Variants in NCR3 observed in about 807,000 individuals in gnomAD.
NCR3 encodes the protein natural cytotoxicity triggering receptor 3, also known as NK-p30.
Under a neutral mutation model 16.1 loss-of-function variants are expected in NCR3, and 13 were observed. The ratio of observed to expected loss-of-function variants is 0.81; its 90% CI spans 0.53 to 1.28. NCR3 has a LOEUF of 1.28. Among genes scored for constraint, NCR3 ranks in the 50% most tolerant of loss-of-function variants. The pLI, the probability that NCR3 is intolerant of heterozygous loss-of-function variation, is 0.00. For synonymous variants in NCR3, 98 were observed against 106.6 expected, an observed-to-expected ratio of 0.92 and a Z score of 0.50; for missense variants, 202 against 256.8, an observed-to-expected ratio of 0.79 and a Z score of 1.46.
intron 1 of NCR3, among the ~76,000 whole-genome samples, chr6:31,592,095 C>T (rs140279115): frequency 0.077 from 11,686 of 152,098 alleles, 606 homozygotes; most frequent in Middle Eastern, 0.12. Flanking sequence ...ACTAAAAATA[C>T]AAAAATTAGT....
intron 1 of NCR3, among the ~76,000 whole-genome samples, chr6:31,590,338 A>T (rs1335156344): frequency 6.6e-6 from 1 of 152,136 alleles, no homozygotes; most frequent in Non-Finnish European, 1.5e-5. Flanking sequence ...GCAGTGGCTC[A>T]CGCCTGTAAT....
Position 31,589,966 on chromosome 6 carries a change from A to C in NCR3, c.204T>G (p.Asn68Lys). Residue 68 changes from asparagine (N) to lysine (K), a missense_variant, in exon 2 of 4, where the codon AAT becomes AAG. Coordinates refer to ENST00000340027, the MANE Select transcript of NCR3 (RefSeq NM_147130.3). This position sits in a 1 kb window ranked among gnomAD's most constrained non-coding sequence, Gnocchi z 4.8. ...GGCGGCCCCTGAACTCTGGGGTTCC[A>C]TTCCTCACCTCCTTCCCTGGAACCA... is the stretch of plus-strand genomic sequence containing the variant. ...DEVVPGKEVR[N>K]GTPEFRGRLA... The C allele has an allele frequency of 6.2e-7, 1 of 1,613,062 alleles. No homozygotes were observed. Among genetic ancestry groups the C allele is most frequent in the South Asian group, 1.1e-5 (1 of 91,082 alleles).
At chr6:31,590,277 T>A in intron 1 of NCR3, 151 bp from the exon 2 acceptor site, 1 of 662,906 alleles carries the variant, frequency 1.5e-6, no homozygotes. Context: ...CCTTCCCTCT[T>A]AACCAATCTG....
At chr6:31,590,487 A>G (rs28732145) in intron 1 of NCR3, among the ~76,000 whole-genome samples, 3,701 of 152,244 alleles carry the variant, frequency 0.024, 58 homozygotes, top group South Asian at 0.051. Flanking sequence ...CTGTAATCCC[A>G]GCTACTCGGG....
Position 31,589,688 on chromosome 6 carries a change from A to AG in NCR3, c.389-56dup. ...GGAAGAAGTGCACACAGGCTCAGGGAGGGAAGGGGCCTCAGAGGAGCATCC... is the reference window on the plus strand; with the variant it reads ...GGAAGAAGTGCACACAGGCTCAGGGAGGGGAAGGGGCCTCAGAGGAGCATCC... On this transcript the variant is annotated intron_variant, in intron 2 of 3. Transcript: ENST00000340027. The surrounding 1 kb of genome is among the most constrained non-coding windows in gnomAD (Gnocchi z 4.8). 2 of 1,609,420 alleles carry AG rather than the reference A, an allele frequency of 1.2e-6. No individual in the cohort carries two copies. The highest frequency in any genetic ancestry group is 1.7e-6 in the Non-Finnish European group (2 of 1,177,238).
chr6:31,592,833 C>G lies in NCR3; in HGVS notation c.-112G>C. 1 of 1,102,890 alleles carries G rather than the reference C, an allele frequency of 9.1e-7. No homozygotes were observed. Among genetic ancestry groups the G allele is most frequent in the Non-Finnish European group, 1.4e-6 (1 of 732,366 alleles). 68.3% of individuals were successfully genotyped at this position (1,102,890 alleles called of 1,614,324 possible). On this transcript the variant is annotated 5_prime_UTR_variant, in exon 1 of 4. Transcript: ENST00000340027. ...TTGGTCACCAGATGGGGATGGGGAGCTTCCTATGACACACGGGACTCACAC... is the reference window on the plus strand; with the variant it reads ...TTGGTCACCAGATGGGGATGGGGAGGTTCCTATGACACACGGGACTCACAC...
At position 31,589,925 on chromosome 6, in the gene NCR3, G is replaced by C. The variant is rs1772476663; in HGVS notation, c.245C>G (p.Ser82Cys). Residue 82 changes from serine (S) to cysteine (C), a missense_variant, in exon 2 of 4, where the codon TCT becomes TGT. Coordinates refer to ENST00000340027, the MANE Select transcript of NCR3 (RefSeq NM_147130.3). The surrounding 1 kb of genome is among the most constrained non-coding windows in gnomAD (Gnocchi z 4.8). ...CTGGTGGTCATGGAGGAAACGGGAA[G>C]AAGCAAGTGGGGCCAGGCGGCCCCT... is the stretch of plus-strand genomic sequence containing the variant. ...EFRGRLAPLA[S>C]SRFLHDHQAE... 2 of 1,613,156 alleles carry C rather than the reference G, an allele frequency of 1.2e-6. No homozygotes were observed. Among genetic ancestry groups the C allele is most frequent in the East Asian group, 4.5e-5 (2 of 44,890 alleles).
Position 31,589,734 on chromosome 6 carries a change from C to G in NCR3, c.388+48G>C, listed in dbSNP as rs757921881. The G allele has an allele frequency of 6.2e-7, 1 of 1,601,458 alleles. No homozygotes were observed. Among genetic ancestry groups the G allele is most frequent in the South Asian group, 1.1e-5 (1 of 90,182 alleles). ...CATCCCTGCCTCCCAAGGACATTGCCTCTTGGGGCCTCCAGCCAGGAGGAG... is the reference window on the plus strand; with the variant it reads ...CATCCCTGCCTCCCAAGGACATTGCGTCTTGGGGCCTCCAGCCAGGAGGAG... On this transcript the variant is annotated intron_variant, in intron 2 of 3. Coordinates refer to ENST00000340027, the MANE Select transcript of NCR3 (RefSeq NM_147130.3). This position sits in a 1 kb window ranked among gnomAD's most constrained non-coding sequence, Gnocchi z 4.8.
At position 31,589,858 on chromosome 6, in the gene NCR3, G is replaced by T; in HGVS notation, c.312C>A (p.Ser104Arg). 6.2e-7 allele frequency: 1 copy of T among 1,613,248 alleles called. No homozygotes were observed. Among genetic ancestry groups the T allele is most frequent in the Non-Finnish European group, 8.5e-7 (1 of 1,180,050 alleles). Residue 104 changes from serine (S) to arginine (R), a missense_variant, in exon 2 of 4, where the codon AGC (serine) becomes AGA (arginine). Coordinates refer to ENST00000340027, the MANE Select transcript of NCR3 (RefSeq NM_147130.3). The surrounding 1 kb of genome is among the most constrained non-coding windows in gnomAD (Gnocchi z 4.8). ...HIRDVRGHDA[S>R]IYVCRVEVLG... Reference sequence around the variant, plus strand: ...GCACCTCCACTCTGCACACGTAGATGCTGGCGTCATGGCCTCGCACGTCCC... The same window carrying T: ...GCACCTCCACTCTGCACACGTAGATTCTGGCGTCATGGCCTCGCACGTCCC...
rs766743841 is a variant in NCR3 at position 31,589,170 on chromosome 6, G to T, written c.503C>A (p.Thr168Asn). The stretch of plus-strand genomic sequence containing the variant: ...CAGCTGCCTTCTTGGACCTTTCCAG[G>T]TCAGACCTGGTGGAAGGGAAAGTTC... ...STVYYQGKCL[T>N]WKGPRRQLPA... Residue 168 changes from threonine to asparagine, a missense_variant, in exon 4 of 4, where the codon ACC becomes AAC. Transcript: ENST00000340027. This position sits in a 1 kb window ranked among gnomAD's most constrained non-coding sequence, Gnocchi z 4.8. The T allele has an allele frequency of 1.2e-6, 2 of 1,613,784 alleles. No homozygotes were observed. Among genetic ancestry groups the T allele is most frequent in the African/African-American group, 2.7e-5 (2 of 74,940 alleles).
intron 1 of NCR3, among the ~76,000 whole-genome samples, chr6:31,590,813 A>T (rs1173043633): frequency 3.9e-5 from 6 of 152,026 alleles, no homozygotes; most frequent in African/African-American, 1.4e-4. Flanking sequence ...TACAAATGGC[A>T]TTGTACAGTA....
Position 31,592,882 on chromosome 6 carries a change from G to T in NCR3, c.-161C>A. ...ACATCACTTGCCAAGGACCACAACT[G>T]CCAGGGACCTCGAGCATCAAATGCT... is the stretch of plus-strand genomic sequence containing the variant. On this transcript the variant is annotated 5_prime_UTR_variant, in exon 1 of 4. Transcript: ENST00000340027. The T allele has an allele frequency of 1.4e-6, 1 of 707,882 alleles. No homozygotes were observed. Among genetic ancestry groups the T allele is most frequent in the Non-Finnish European group, 2.5e-6 (1 of 397,482 alleles). The allele number at this position is 707,882 out of a possible 1,614,324, so 43.9% of individuals were successfully genotyped here.
chr6:31,592,221 G>T (rs1045191736), intron 1 of NCR3, among the ~76,000 whole-genome samples: 1 of 151,180 alleles, frequency 6.6e-6, no homozygotes, highest in African/African-American at 2.4e-5. Context: ...CTGCACTCCA[G>T]CCTAGGTGAC....
At chr6:31,592,590 A>T in intron 1 of NCR3, 89 bp downstream of exon 1, 1 of 1,464,772 alleles carries the variant, frequency 6.8e-7, no homozygotes, top group Non-Finnish European at 9.4e-7. Context: ...GCCCCCACCA[A>T]GCCCGTTCCC....
In NCR3 at chr6:31,589,880, TC is replaced by T; in HGVS notation, c.289del (p.Asp97ThrfsTer38). 1 of 1,613,138 alleles carries T rather than the reference TC, an allele frequency of 6.2e-7. No individual in the cohort carries two copies. Among genetic ancestry groups the T allele is most frequent in the Non-Finnish European group, 8.5e-7 (1 of 1,180,042 alleles). On this transcript the variant is annotated frameshift_variant, in exon 2 of 4. Transcript: ENST00000340027. LOFTEE classifies it high-confidence loss of function. This position sits in a 1 kb window ranked among gnomAD's most constrained non-coding sequence, Gnocchi z 4.8. ...HDHQAELHIR[D>X]VRGHDASIYV... is the part of the protein sequence containing the mutation. ...GATGCTGGCGTCATGGCCTCGCACG[TC>T]CCGGATGTGCAGCTCAGCCTGGTGG...
At chr6:31,592,657 TC>T in intron 1 of NCR3, 21 bp downstream of exon 1, 1 of 1,612,676 alleles carries the variant, frequency 6.2e-7, no homozygotes, top group Non-Finnish European at 8.5e-7. Flanking sequence ...CTCCTTGGGG[TC>T]CTGAGCGCAC....
chr6:31,591,670 G>A (rs1298254060), intron 1 of NCR3, among the ~76,000 whole-genome samples: 1 of 151,938 alleles, frequency 6.6e-6, no homozygotes, highest in Non-Finnish European at 1.5e-5. Flanking sequence ...ACACAAGTTA[G>A]CCAGCAGTAA....
chr6:31,589,743 C>T lies in NCR3; in HGVS notation c.388+39G>A, dbSNP rs373629107. 2.9e-5 allele frequency: 47 copies of T among 1,602,100 alleles called. No homozygotes were observed. The African/African-American group carries it at 6.0e-4, about 21-fold the overall frequency. On this transcript the variant is annotated intron_variant, in intron 2 of 3. Coordinates refer to ENST00000340027, the MANE Select transcript of NCR3 (RefSeq NM_147130.3). The surrounding 1 kb of genome is among the most constrained non-coding windows in gnomAD (Gnocchi z 4.8). ...CTCCCAAGGACATTGCCTCTTGGGG[C>T]CTCCAGCCAGGAGGAGACACCACCT...
At position 31,590,225 on chromosome 6, in the gene NCR3, A is replaced by G. The variant is rs182372754; in HGVS notation, c.44-99T>C. ...TAGAACATCCCAGCTTTCTCCAGGC[A>G]TAGGGTGCATGGGAATAGATACTTT... On this transcript the variant is annotated intron_variant, in intron 1 of 3. Coordinates refer to ENST00000340027, the MANE Select transcript of NCR3 (RefSeq NM_147130.3). 1.9e-4 allele frequency: 192 copies of G among 1,013,150 alleles called. 1 individual carries two copies. In the East Asian group the frequency reaches 4.6e-3, roughly 24 times the overall value. 62.8% of individuals were successfully genotyped at this position (1,013,150 alleles called of 1,614,324 possible). A position where few individuals can be genotyped will look rare whatever the true frequency, so the allele number is the denominator to read the frequency against.
Sources: gnomAD v4.1 joint callset for allele counts (sites outside exome capture counted in the v4.1 genomes callset) on GRCh38, gnomAD v4.1.1 for gene constraint, Gnocchi (gnomAD v3.1) non-coding constraint, MANE v1.5 for transcripts, NCBI Gene and HGNC (gene_info 2026-07-23, HGNC 2026-07-21) for gene names.